The following RSF1 variants were observed in gnomAD, a reference collection of about 807,000 sequenced individuals.
The protein encoded by RSF1 is remodeling and spacing factor 1, also known as HBV pX-associated protein 8.
Under a neutral mutation model 145.2 loss-of-function variants are expected in RSF1, and 13 were observed. The ratio of observed to expected loss-of-function variants is 0.09; its 90% confidence interval spans 0.06 to 0.14. The LOEUF (loss-of-function observed/expected upper bound fraction) is 0.14. RSF1 is among the 10% of genes least tolerant of loss of function. The pLI is 1.00. For missense variants in RSF1, 1,517 were observed against 1,718.2 expected, an observed-to-expected ratio of 0.88 and a Z score of 2.07; for synonymous variants, 577 against 592.6, an observed-to-expected ratio of 0.97 and a Z score of 0.38.
Position 77,673,951 on chromosome 11 carries a change from C to T in RSF1, c.3562+1085G>A, listed in dbSNP as rs75148713. Among the ~76,000 whole-genome samples, 359 of 151,716 alleles carry T rather than the reference C, an allele frequency of 2.4e-3. 2 individuals are homozygous for T. The highest frequency in any genetic ancestry group is 8.0e-3 in the African/African-American group (332 of 41,380). On this transcript the variant is annotated intron_variant, in intron 14 of 15. Transcript: ENST00000308488. Reference sequence around the variant, plus strand: ...TGGAGACTAAAGAGATGTGAATAAACGCATAGCCCTGGAATGGATCCTGGG... The same window carrying T: ...TGGAGACTAAAGAGATGTGAATAAATGCATAGCCCTGGAATGGATCCTGGG...
intron 1 of RSF1, among the ~76,000 whole-genome samples, chr11:77,765,423 A>C (rs1381215767): frequency 6.6e-6 from 1 of 152,206 alleles, no homozygotes; most frequent in Non-Finnish European, 1.5e-5. Flanking sequence ...CATGGACAAA[A>C]AAATTACTTA....
rs936902105 is a variant in RSF1, at chr11:77,660,290, G to C, written c.*6627C>G. 1 of 152,150 alleles carries C rather than the reference G, an allele frequency of 6.6e-6. No individual in the cohort carries two copies. The highest frequency in any genetic ancestry group is 1.5e-5 in the Non-Finnish European group (1 of 68,022). 9.4% of individuals were successfully genotyped at this position (152,150 alleles called of 1,614,324 possible). A position where few individuals can be genotyped will look rare whatever the true frequency, so the allele number is the denominator to read the frequency against. ...ATGCACTGCAATTCTAACACACTAGGTGTTCATACACTGAAGTTAACCCCT... is the reference window on the plus strand; with the variant it reads ...ATGCACTGCAATTCTAACACACTAGCTGTTCATACACTGAAGTTAACCCCT... On this transcript the variant is annotated 3_prime_UTR_variant, in exon 16 of 16. Transcript: ENST00000308488.
rs150077461 is a variant in RSF1, at chr11:77,690,496, C to G, written c.2900+663G>C. Among the ~76,000 whole-genome samples, 4 of 152,242 alleles carry G rather than the reference C, an allele frequency of 2.6e-5. No individual in the cohort carries two copies. In the East Asian group the frequency reaches 7.7e-4, roughly 29 times the overall value. On this transcript the variant is annotated intron_variant, in intron 9 of 15. Coordinates refer to ENST00000308488, the MANE Select transcript of RSF1 (RefSeq NM_016578.4). ...TTTGAGACAGAGTCTCACTCTTGCC[C>G]AGGCTGCAGTGCAGTGGCGTGATCT...
intron 3 of RSF1, among the ~76,000 whole-genome samples, chr11:77,743,893 C>CA (rs1565167376): frequency 6.6e-6 from 1 of 152,082 alleles, no homozygotes; most frequent in Non-Finnish European, 1.5e-5. Context: ...TCTTTTCACA[C>CA]CTAATTTGTT....
chr11:77,795,425 A>G (rs1205431754), intron 1 of RSF1, among the ~76,000 whole-genome samples: 1 of 152,240 alleles, frequency 6.6e-6, no homozygotes, highest in Admixed American at 6.5e-5. Context: ...ACAGAGAGAC[A>G]GCTGTCAACA....
chr11:77,748,165 G>C (rs1948021618), intron 2 of RSF1, among the ~76,000 whole-genome samples: 1 of 147,520 alleles, frequency 6.8e-6, no homozygotes, highest in South Asian at 2.1e-4. Context: ...TATTAATATA[G>C]AAAAAGAATA....
intron 1 of RSF1, among the ~76,000 whole-genome samples, chr11:77,783,176 C>A (rs1326684417): frequency 2.0e-5 from 3 of 152,108 alleles, no homozygotes; most frequent in Non-Finnish European, 4.4e-5. Flanking sequence ...CACTTTTTAC[C>A]CTTACATTAT....
At chr11:77,781,440 T>C (rs1348578317) in intron 1 of RSF1, among the ~76,000 whole-genome samples, 1 of 152,188 alleles carries the variant, frequency 6.6e-6, no homozygotes, top group Non-Finnish European at 1.5e-5. Context: ...TATGAATATT[T>C]CTGTGCAAGT....
chr11:77,679,014 G>A (rs1178423228), intron 11 of RSF1, among the ~76,000 whole-genome samples: 1 of 152,162 alleles, frequency 6.6e-6, no homozygotes, highest in East Asian at 1.9e-4. Flanking sequence ...TTTATAAAGG[G>A]CCAGATGGTA....
At chr11:77,745,175 A>G (rs1947986397) in intron 3 of RSF1, among the ~76,000 whole-genome samples, 1 of 152,028 alleles carries the variant, frequency 6.6e-6, no homozygotes, top group Non-Finnish European at 1.5e-5. Flanking sequence ...TCTCTTTCTT[A>G]GCCTAGCTAA....
intron 5 of RSF1, among the ~76,000 whole-genome samples, chr11:77,716,135 A>G (rs749044675): frequency 1.4e-4 from 20 of 147,644 alleles, no homozygotes; most frequent in South Asian, 4.3e-4. Flanking sequence ...AAAAATGAGG[A>G]AAAAAAAAAA....
intron 4 of RSF1, among the ~76,000 whole-genome samples, chr11:77,734,052 C>T (rs1231923644): frequency 6.6e-6 from 1 of 152,070 alleles, no homozygotes; most frequent in East Asian, 1.9e-4. Context: ...AAGTAGGACA[C>T]TGGCTGGAGC....
chr11:77,748,523 G>A (rs903707788), intron 2 of RSF1, among the ~76,000 whole-genome samples: 3 of 151,558 alleles, frequency 2.0e-5, no homozygotes, highest in African/African-American at 7.3e-5. Context: ...ACAGTGTTAC[G>A]TTTTTCAGAG....
the RSF1 span, among the ~76,000 whole-genome samples, chr11:77,835,078 A>G: frequency 6.6e-6 from 1 of 152,186 alleles, no homozygotes; most frequent in East Asian, 1.9e-4. Context: ...TGAAATCTCT[A>G]CTTTTAAGCT....
intron 1 of RSF1, among the ~76,000 whole-genome samples, chr11:77,802,565 CAG>C (rs1031185818): frequency 4.0e-5 from 6 of 151,790 alleles, no homozygotes; most frequent in African/African-American, 1.5e-4. Context: ...TTTTTTGAGA[CAG>C]AGTTTTACTC....
intron 5 of RSF1, among the ~76,000 whole-genome samples, chr11:77,721,859 G>A (rs1338787082): frequency 6.6e-6 from 1 of 152,184 alleles, no homozygotes; most frequent in African/African-American, 2.4e-5. Flanking sequence ...TGTTGTTAGA[G>A]AAAGAGAAGC....
chr11:77,838,332 G>T, the RSF1 span, among the ~76,000 whole-genome samples: 1 of 152,288 alleles, frequency 6.6e-6, no homozygotes, highest in South Asian at 2.1e-4. Flanking sequence ...AACATCTACA[G>T]TCAGTAGACT....
intron 1 of RSF1, among the ~76,000 whole-genome samples, chr11:77,765,593 C>A (rs1245838974): frequency 6.6e-6 from 1 of 152,194 alleles, no homozygotes; most frequent in East Asian, 1.9e-4. Context: ...TCTGTTGGAA[C>A]CTTCAAATAT....
intron 3 of RSF1, among the ~76,000 whole-genome samples, chr11:77,745,565 C>T (rs1242958549): frequency 1.3e-5 from 2 of 151,286 alleles, no homozygotes; most frequent in Non-Finnish European, 2.9e-5. Context: ...TTCAATAATT[C>T]TTTCTCTCTT....
Sources: gnomAD v4.1 joint callset for allele counts (sites outside exome capture counted in the v4.1 genomes callset) on GRCh38, gnomAD v4.1.1 for gene constraint, MANE v1.5 for transcripts, NCBI Gene and HGNC (gene_info 2026-07-23, HGNC 2026-07-21) for gene names.